The following ADGB variants were observed in gnomAD, a reference collection of about 807,000 sequenced individuals.
ADGB encodes the protein calpain-7-like protein.
In ADGB, 172 loss-of-function variants were observed where a neutral mutation model predicts 210.5. The ratio of observed to expected loss-of-function variants is 0.82; its 90% CI spans 0.72 to 0.93. The LOEUF is 0.93. ADGB is among the 40% of genes least tolerant of loss of function. The pLI, the probability that ADGB is intolerant of heterozygous loss-of-function variation, is 0.00. For synonymous variants in ADGB, 658 were observed against 662.7 expected (o/e 0.99, Z 0.11); for missense variants, 2,025 against 1,964.8 (o/e 1.03, Z -0.58).
chr6:146,726,291 G>A (rs1776894210), intron 19 of ADGB, 94 bp downstream of exon 19: 1 of 780,278 alleles, frequency 1.3e-6, no homozygotes, highest in Non-Finnish European at 2.0e-6. Flanking sequence ...GCATGATCTT[G>A]GCTCACTGCA....
rs1452810499 is a variant in ADGB at position 146,672,215 on chromosome 6, C to T, written c.840-5C>T. The T allele has an allele frequency of 6.9e-7, 1 of 1,450,976 alleles. No homozygotes were observed. The highest frequency in any genetic ancestry group is 9.1e-7 in the Non-Finnish European group (1 of 1,097,738). The allele number at this position is 1,450,976 out of a possible 1,614,324, so 89.9% of individuals were successfully genotyped here. On this transcript the variant is annotated splice_region_variant and splice_polypyrimidine_tract_variant and intron_variant, in intron 7 of 35. Transcript: ENST00000397944. Reference sequence around the variant, plus strand: ...GGAAATTAATGTTTTTGTCTTTTCTCTTAGCCCGGGATATATGGACAAAGT... The same window carrying T: ...GGAAATTAATGTTTTTGTCTTTTCTTTTAGCCCGGGATATATGGACAAAGT...
At chr6:146,640,654 C>G (rs1229884911) in intron 2 of ADGB, among the ~76,000 whole-genome samples, 1 of 151,972 alleles carries the variant, frequency 6.6e-6, no homozygotes, top group African/African-American at 2.4e-5. Context: ...AAACTAAAGA[C>G]AAAAACCACA....
At chr6:146,616,032 A>G (rs1171837454) in intron 1 of ADGB, among the ~76,000 whole-genome samples, 3 of 152,182 alleles carry the variant, frequency 2.0e-5, no homozygotes, top group Admixed American at 2.0e-4. Flanking sequence ...TCCCACCAGC[A>G]GTGTACTAGC....
chr6:146,773,267 A>C (rs1477459188), intron 29 of ADGB, among the ~76,000 whole-genome samples: 3 of 134,248 alleles, frequency 2.2e-5, no homozygotes, highest in Non-Finnish European at 4.9e-5. Flanking sequence ...AGAAGAAGAA[A>C]AGGCATACAT....
In ADGB at chr6:146,769,235, T is replaced by C. The variant is rs980002748; in HGVS notation, c.3862+104T>C. The C allele has an allele frequency of 1.3e-4, 74 of 578,980 alleles. 1 individual carries two copies. The highest frequency in any genetic ancestry group is 1.2e-3 in the African/African-American group (66 of 54,586). 35.9% of individuals were successfully genotyped at this position (578,980 alleles called of 1,614,324 possible). A position where few individuals can be genotyped will look rare whatever the true frequency, so the allele number is the denominator to read the frequency against. ...TAGTCATGAAAATATCATTGTATGATGTTTTATTACACATTATAATTTGTA... is the reference window on the plus strand; with the variant it reads ...TAGTCATGAAAATATCATTGTATGACGTTTTATTACACATTATAATTTGTA... On this transcript the variant is annotated intron_variant, in intron 29 of 35. Transcript: ENST00000397944.
intron 1 of ADGB, among the ~76,000 whole-genome samples, chr6:146,630,428 A>G (rs1393130703): frequency 6.6e-6 from 1 of 151,836 alleles, no homozygotes; most frequent in Non-Finnish European, 1.5e-5. Context: ...ATGTATATAA[A>G]GAATAAAAGC....
At chr6:146,691,620 GC>G (rs1211306084) in intron 11 of ADGB, among the ~76,000 whole-genome samples, 1 of 134,014 alleles carries the variant, frequency 7.5e-6, no homozygotes, top group East Asian at 2.2e-4. Context: ...CCATTCTCCT[GC>G]CTCAGCCTCC....
intron 2 of ADGB, among the ~76,000 whole-genome samples, chr6:146,641,026 C>T (rs1395761237): frequency 6.6e-6 from 1 of 151,786 alleles, no homozygotes; most frequent in Non-Finnish European, 1.5e-5. Context: ...CAGTCTTGTC[C>T]CAAAAGCTCC....
At chr6:146,782,230 A>AT (rs1422068172) in intron 30 of ADGB, 38 bp downstream of exon 30, 2 of 1,455,722 alleles carry the variant, frequency 1.4e-6, no homozygotes, top group African/African-American at 2.9e-5. Context: ...TGACTTAATG[A>AT]TTTTAGGTTC....
intron 16 of ADGB, among the ~76,000 whole-genome samples, chr6:146,720,933 A>T (rs1394066023): frequency 6.6e-6 from 1 of 152,170 alleles, no homozygotes; most frequent in Non-Finnish European, 1.5e-5. Flanking sequence ...TATATATCTG[A>T]AGCTCCTGTG....
chr6:146,629,956 G>A (rs1210975549), intron 1 of ADGB, among the ~76,000 whole-genome samples: 2 of 152,156 alleles, frequency 1.3e-5, no homozygotes, highest in Non-Finnish European at 2.9e-5. Flanking sequence ...AAAAAAGCTG[G>A]CTAGGCACTG....
rs1775405495 is a variant in ADGB at position 146,635,519 on chromosome 6, A to G, written c.219A>G (p.Thr73=). Reference sequence around the variant, plus strand: ...AAGGTGCAAAAGAAAAGGACAAAACAGGAAAAAGCCCTGTATTTGTAAGTA... The same window carrying G: ...AAGGTGCAAAAGAAAAGGACAAAACGGGAAAAAGCCCTGTATTTGTAAGTA... The part of the protein sequence containing the change: ...AGKGAKEKDK[T]GKSPVFHFFE... The change falls in exon 2 of 36, where the codon ACA becomes ACG. Residue 73 remains threonine (T), a synonymous_variant. Coordinates refer to ENST00000397944, the MANE Select transcript of ADGB (RefSeq NM_024694.4). The G allele has an allele frequency of 6.5e-7, 1 of 1,540,794 alleles. No homozygotes were observed. Among genetic ancestry groups the G allele is most frequent in the Non-Finnish European group, 8.8e-7 (1 of 1,142,198 alleles).
In ADGB at chr6:146,654,124, AT is replaced by A. The variant is rs753933828; in HGVS notation, c.331-4del. On this transcript the variant is annotated splice_polypyrimidine_tract_variant and intron_variant, in intron 3 of 35. Transcript: ENST00000397944. ...CTTATGGAGTAATATATACATATATATTTTTTTCAGACTCCAGTAGTTGTGA... is the reference window on the plus strand; with the variant it reads ...CTTATGGAGTAATATATACATATATATTTTTTCAGACTCCAGTAGTTGTGA... 94 of 1,478,238 alleles carry A rather than the reference AT, an allele frequency of 6.4e-5. No homozygotes were observed. Among genetic ancestry groups the A allele is most frequent in the Middle Eastern group, 3.4e-4 (2 of 5,812 alleles). 91.6% of individuals were successfully genotyped at this position (1,478,238 alleles called of 1,614,324 possible).
chr6:146,766,121 G>T (rs1777569808), intron 28 of ADGB, among the ~76,000 whole-genome samples: 1 of 152,040 alleles, frequency 6.6e-6, no homozygotes, highest in Non-Finnish European at 1.5e-5. Context: ...AAACCTACAG[G>T]GTGGTAGGGG....
intron 7 of ADGB, 24 bp from the exon 8 acceptor site, chr6:146,672,196 T>C: frequency 1.4e-6 from 2 of 1,459,556 alleles, no homozygotes; most frequent in Non-Finnish European, 1.8e-6. Context: ...GTTTGGAAAT[T>C]AATGTTTTTG....
At chr6:146,807,313 G>T in intron 35 of ADGB, 3 of 1,357,128 alleles carry the variant, frequency 2.2e-6, no homozygotes, top group South Asian at 2.7e-5. Flanking sequence ...TGGGCATAAG[G>T]ACAGGCTAAA....
chr6:146,802,854 G>A, intron 35 of ADGB: 1 of 1,609,896 alleles, frequency 6.2e-7, no homozygotes, highest in Non-Finnish European at 8.5e-7. Context: ...GTATATCCTG[G>A]AACCAAAGTA....
At chr6:146,691,914 T>C (rs1776335428) in intron 11 of ADGB, among the ~76,000 whole-genome samples, 1 of 151,938 alleles carries the variant, frequency 6.6e-6, no homozygotes, top group South Asian at 2.1e-4. Context: ...CCTCTCTCCG[T>C]CCCTCCTTCC....
intron 17 of ADGB, among the ~76,000 whole-genome samples, chr6:146,723,015 G>A (rs993919557): frequency 6.6e-6 from 1 of 152,164 alleles, no homozygotes; most frequent in African/African-American, 2.4e-5. Context: ...TTTCCCAAAT[G>A]CTTAATACTG....
Sources: allele counts gnomAD v4.1 joint callset (sites outside exome capture counted in the v4.1 genomes callset), GRCh38; gene constraint gnomAD v4.1.1; transcripts MANE v1.5; gene names NCBI Gene and HGNC (gene_info 2026-07-23, HGNC 2026-07-21).